The following HECW2 variants were observed in gnomAD, a reference collection of about 807,000 sequenced individuals.
HECW2 encodes the protein HECT, C2 and WW domain containing E3 ubiquitin protein ligase 2.
A neutral mutation model predicts 175.2 loss-of-function variants in HECW2; 61 were observed. The observed-to-expected ratio is 0.35, with a 90% confidence interval of 0.28 to 0.43. HECW2 has a LOEUF of 0.43. Ranked by LOEUF, HECW2 falls within the 20% of genes least tolerant of loss-of-function variation. HECW2 has a pLI of 1.00. For missense variants in HECW2, 1,524 were observed against 2,000.5 expected, an observed-to-expected ratio of 0.76 and a Z score of 4.54; for synonymous variants, 671 against 731.0, an observed-to-expected ratio of 0.92 and a Z score of 1.32.
intron 14 of HECW2, 146 bp downstream of exon 14, chr2:196,292,418 CT>C (rs2106030124): frequency 3.0e-6 from 2 of 664,032 alleles, no homozygotes; most frequent in African/African-American, 3.6e-5. Flanking sequence ...CACAAACAAC[CT>C]GCTGTCCAGG....
intron 1 of HECW2, among the ~76,000 whole-genome samples, chr2:196,515,110 C>G (rs906357864): frequency 2.0e-5 from 3 of 152,256 alleles, no homozygotes; most frequent in African/African-American, 7.2e-5. Context: ...ACGCAGGTGC[C>G]TGCAGCAGAA....
chr2:196,341,917 CT>C (rs752388529), intron 3 of HECW2, among the ~76,000 whole-genome samples: 4 of 152,236 alleles, frequency 2.6e-5, no homozygotes, highest in Non-Finnish European at 5.9e-5. Context: ...GTTTGATATG[CT>C]TCACAAAGAT....
chr2:196,417,744 T>C (rs1695293341), intron 2 of HECW2, among the ~76,000 whole-genome samples: 1 of 152,226 alleles, frequency 6.6e-6, no homozygotes. Context: ...CTCCTTGAAA[T>C]GTCTCAGAAA....
chr2:196,270,983 C>T (rs1689712176), intron 17 of HECW2, among the ~76,000 whole-genome samples: 1 of 151,558 alleles, frequency 6.6e-6, no homozygotes, highest in African/African-American at 2.4e-5. Flanking sequence ...CGTGAGTCGC[C>T]GTGCCCGGCC....
intron 2 of HECW2, among the ~76,000 whole-genome samples, chr2:196,348,754 C>A (rs555597546): frequency 8.5e-4 from 130 of 152,352 alleles, no homozygotes; most frequent in African/African-American, 3.0e-3. Flanking sequence ...CTTCCTTTAA[C>A]TGAGTAAAGG....
chr2:196,266,141 T>C (rs1689503708), intron 17 of HECW2, among the ~76,000 whole-genome samples: 1 of 146,372 alleles, frequency 6.8e-6, no homozygotes, highest in African/African-American at 2.5e-5. Context: ...AATGAACCTG[T>C]ACAACATAGC....
chr2:196,269,518 A>AAAAAAAAAAAAAAAAAAC (rs1689648013), intron 17 of HECW2: 1 of 150,974 alleles, frequency 6.6e-6, no homozygotes, highest in African/African-American at 2.4e-5. Flanking sequence ...AAAAAAAAAA[A>AAAAAAAAAAAAAAAAAAC]AAAGACATGA....
At chr2:196,469,702 G>A (rs994018220) in intron 1 of HECW2, among the ~76,000 whole-genome samples, 8 of 151,800 alleles carry the variant, frequency 5.3e-5, no homozygotes, top group African/African-American at 1.7e-4. Flanking sequence ...CAAATGAAAA[G>A]TTGAGGAAAT....
At chr2:196,282,989 GGTGGCTCACACCT>G (rs1338750071) in intron 14 of HECW2, among the ~76,000 whole-genome samples, 1 of 152,020 alleles carries the variant, frequency 6.6e-6, no homozygotes, top group African/African-American at 2.4e-5. Context: ...GGCTAGGTGT[GGTGGCTCACACCT>G]GTAATCCCAG....
At chr2:196,282,171 T>C (rs1237988565) in intron 14 of HECW2, among the ~76,000 whole-genome samples, 2 of 152,190 alleles carry the variant, frequency 1.3e-5, no homozygotes, top group Admixed American at 6.5e-5. Context: ...TGTAAGTATG[T>C]GTGGCCGAGA....
intron 7 of HECW2, 104 bp downstream of exon 7, chr2:196,322,374 C>T (rs1238706521): frequency 1.2e-6 from 1 of 810,886 alleles, no homozygotes; most frequent in Non-Finnish European, 1.9e-6. Flanking sequence ...AATTGTGTTA[C>T]TACTTCTTAT....
intron 2 of HECW2, among the ~76,000 whole-genome samples, chr2:196,357,815 C>T (rs772858958): frequency 1.3e-5 from 2 of 152,106 alleles, no homozygotes; most frequent in Non-Finnish European, 2.9e-5. Context: ...TGCCACCTTG[C>T]GAAGAAGGTA....
At chr2:196,511,277 T>C (rs1009323269) in intron 1 of HECW2, among the ~76,000 whole-genome samples, 5 of 152,248 alleles carry the variant, frequency 3.3e-5, no homozygotes, top group Non-Finnish European at 5.9e-5. Flanking sequence ...AAATGTGAAA[T>C]CACAACCTCA....
At chr2:196,500,448 A>C (rs1687541124) in intron 1 of HECW2, among the ~76,000 whole-genome samples, 2 of 152,252 alleles carry the variant, frequency 1.3e-5, no homozygotes, top group South Asian at 4.1e-4. Flanking sequence ...ATCTGCATAG[A>C]AACAATTCCC....
chr2:196,571,760 T>C (rs1431720885), intron 1 of HECW2, among the ~76,000 whole-genome samples: 1 of 151,942 alleles, frequency 6.6e-6, no homozygotes, highest in Non-Finnish European at 1.5e-5. Context: ...GATGCTTCCA[T>C]ACAAAGCAAA....
chr2:196,343,201 T>A (rs13007203), intron 3 of HECW2, among the ~76,000 whole-genome samples: 10,867 of 152,174 alleles, frequency 0.071, 557 homozygotes, highest in African/African-American at 0.14. Context: ...GTTCCTTACA[T>A]AAAGTGTCAG....
chr2:196,292,449 G>A (rs1227851340), intron 14 of HECW2, 116 bp downstream of exon 14: 2 of 810,128 alleles, frequency 2.5e-6, no homozygotes. Flanking sequence ...AACAGAAGGT[G>A]GAATGTTTCA....
chr2:196,307,301 A>C, intron 11 of HECW2, 68 bp from the exon 12 acceptor site: 2 of 1,049,536 alleles, frequency 1.9e-6, no homozygotes, highest in South Asian at 1.4e-5. Flanking sequence ...GCTCCCCAAG[A>C]GTCTAGAACT....
At chr2:196,554,401 T>C (rs1027923265) in intron 1 of HECW2, among the ~76,000 whole-genome samples, 2 of 152,218 alleles carry the variant, frequency 1.3e-5, no homozygotes, top group African/African-American at 4.8e-5. Context: ...CATCATCGTA[T>C]TGATGTTTTC....
Sources: allele counts gnomAD v4.1 joint callset (sites outside exome capture counted in the v4.1 genomes callset), GRCh38; gene constraint gnomAD v4.1.1; transcripts MANE v1.5; gene names NCBI Gene and HGNC (gene_info 2026-07-23, HGNC 2026-07-21).